Variants in KCNIP4 observed in about 807,000 individuals in gnomAD.
KCNIP4 encodes the protein potassium voltage-gated channel interacting protein 4.
KCNIP4 carries 12 observed loss-of-function variants against 34.0 expected under a neutral mutation model. That is an observed-to-expected ratio of 0.35 (90% CI 0.23 to 0.57). KCNIP4 has a LOEUF of 0.57. Among genes scored for constraint, KCNIP4 ranks in the 20% least tolerant of loss-of-function variants. The pLI is 0.83. For synonymous variants in KCNIP4, 124 were observed against 102.2 expected (o/e 1.21, Z -1.29); for missense variants, 238 against 311.7 (o/e 0.76, Z 1.78).
intron 5 of KCNIP4, among the ~76,000 whole-genome samples, chr4:20,740,944 T>G (rs974303317): frequency 4.0e-5 from 6 of 151,738 alleles, no homozygotes; most frequent in African/African-American, 1.5e-4. Context: ...AAAACAGACA[T>G]TAAACCAACA....
At chr4:21,794,349 A>G (rs985466575) in intron 1 of KCNIP4, among the ~76,000 whole-genome samples, 4 of 152,222 alleles carry the variant, frequency 2.6e-5, no homozygotes, top group African/African-American at 9.6e-5. Context: ...ACTTAATTCT[A>G]TCCTGTCAGG....
intron 1 of KCNIP4, among the ~76,000 whole-genome samples, chr4:21,532,662 G>A (rs1295886597): frequency 1.3e-5 from 2 of 152,124 alleles, no homozygotes; most frequent in Non-Finnish European, 2.9e-5. Context: ...CTCTAAATCA[G>A]AGAAGGTTAA....
At chr4:21,409,511 T>C (rs199845936) in intron 1 of KCNIP4, among the ~76,000 whole-genome samples, 1 of 151,978 alleles carries the variant, frequency 6.6e-6, no homozygotes, top group East Asian at 1.9e-4. Context: ...TGAATTAAAA[T>C]AGGTAAAAAA....
intron 1 of KCNIP4, among the ~76,000 whole-genome samples, chr4:21,126,939 G>A (rs1393630190): frequency 6.6e-6 from 1 of 152,122 alleles, no homozygotes; most frequent in Non-Finnish European, 1.5e-5. Context: ...CTTTTACATG[G>A]GCTCTCTGTC....
intron 4 of KCNIP4, among the ~76,000 whole-genome samples, chr4:20,753,180 C>G (rs947639841): frequency 6.6e-6 from 1 of 152,012 alleles, no homozygotes; most frequent in Non-Finnish European, 1.5e-5. Context: ...TTACATTGAA[C>G]AAAGGTAAAA....
At chr4:20,762,408 A>G (rs1002123280) in intron 3 of KCNIP4, among the ~76,000 whole-genome samples, 13 of 152,230 alleles carry the variant, frequency 8.5e-5, no homozygotes, top group African/African-American at 3.1e-4. Flanking sequence ...CTAAATATTA[A>G]AAAATCAAAT....
intron 1 of KCNIP4, among the ~76,000 whole-genome samples, chr4:21,030,519 T>G (rs1181551473): frequency 6.6e-6 from 1 of 152,146 alleles, no homozygotes. Context: ...AAAAAGTGCC[T>G]TCATGAAATT....
At chr4:21,776,021 CT>C (rs765635873) in intron 1 of KCNIP4, among the ~76,000 whole-genome samples, 1 of 152,336 alleles carries the variant, frequency 6.6e-6, no homozygotes, top group Non-Finnish European at 1.5e-5. Context: ...AGCTGAGAGG[CT>C]GCAAGAATCT....
intron 1 of KCNIP4, among the ~76,000 whole-genome samples, chr4:21,830,059 G>A (rs1437067453): frequency 1.3e-5 from 2 of 152,028 alleles, no homozygotes; most frequent in African/African-American, 4.8e-5. Flanking sequence ...GTAGCCGAAG[G>A]AATAAACCAA....
At chr4:20,859,017 CA>C (rs1000504249) in intron 2 of KCNIP4, among the ~76,000 whole-genome samples, 10 of 152,264 alleles carry the variant, frequency 6.6e-5, no homozygotes, top group Admixed American at 3.3e-4. Context: ...TTACTTTGTT[CA>C]AAATCCTAGG....
At chr4:21,331,796 C>G (rs542664224) in intron 1 of KCNIP4, among the ~76,000 whole-genome samples, 1 of 152,064 alleles carries the variant, frequency 6.6e-6, no homozygotes, top group South Asian at 2.1e-4. Context: ...AATCTTTAGA[C>G]GTTTATCAGT....
chr4:21,482,472 G>T (rs1731515723), intron 1 of KCNIP4, among the ~76,000 whole-genome samples: 2 of 152,218 alleles, frequency 1.3e-5, no homozygotes, highest in South Asian at 4.1e-4. Context: ...TCCATGTTTA[G>T]TGCTTCCTTC....
At chr4:21,865,942 G>T (rs976103090) in intron 1 of KCNIP4, among the ~76,000 whole-genome samples, 1 of 144,852 alleles carries the variant, frequency 6.9e-6, no homozygotes, top group Non-Finnish European at 1.5e-5. Context: ...TATATATATG[G>T]TGGCAAATGT....
At chr4:20,856,120 T>C (rs556580140) in intron 2 of KCNIP4, among the ~76,000 whole-genome samples, 26 of 152,344 alleles carry the variant, frequency 1.7e-4, no homozygotes, top group African/African-American at 5.8e-4. Context: ...ATGGAAAATG[T>C]TGCTTTTAGA....
intron 3 of KCNIP4, among the ~76,000 whole-genome samples, chr4:20,788,091 T>G (rs1310064063): frequency 6.6e-6 from 1 of 152,104 alleles, no homozygotes; most frequent in Non-Finnish European, 1.5e-5. Context: ...GCTCACTAGA[T>G]GGTAAACTCT....
chr4:21,831,028 G>A (rs1400414412), intron 1 of KCNIP4, among the ~76,000 whole-genome samples: 1 of 152,074 alleles, frequency 6.6e-6, no homozygotes, highest in African/African-American at 2.4e-5. Context: ...CAAGTATGTG[G>A]AAATTAAACA....
At chr4:20,909,305 A>G (rs1728103897) in intron 1 of KCNIP4, among the ~76,000 whole-genome samples, 1 of 152,172 alleles carries the variant, frequency 6.6e-6, no homozygotes, top group South Asian at 2.1e-4. Context: ...AGCATATTAG[A>G]GTGGGTGATG....
intron 1 of KCNIP4, among the ~76,000 whole-genome samples, chr4:21,625,994 A>G (rs1208681163): frequency 6.6e-6 from 1 of 152,184 alleles, no homozygotes; most frequent in East Asian, 1.9e-4. Flanking sequence ...CAAAACTACA[A>G]GCTTCCTAGT....
chr4:21,112,224 C>G (rs556350317), intron 1 of KCNIP4, among the ~76,000 whole-genome samples: 6 of 152,086 alleles, frequency 3.9e-5, no homozygotes, highest in Admixed American at 3.9e-4. Context: ...ACTTGAGGAA[C>G]CCAAAGATCA....
Sources: gnomAD v4.1 joint callset for allele counts (sites outside exome capture counted in the v4.1 genomes callset) on GRCh38, gnomAD v4.1.1 for gene constraint, MANE v1.5 for transcripts, NCBI Gene and HGNC (gene_info 2026-07-23, HGNC 2026-07-21) for gene names.